The following ZRANB2 variants were observed in gnomAD, a reference collection of about 807,000 sequenced individuals.
ZRANB2 encodes zinc finger Ran-binding domain-containing protein 2.
ZRANB2 carries 19 observed loss-of-function variants against 53.4 expected under a neutral mutation model. The ratio of observed to expected loss-of-function variants is 0.36; its 90% CI spans 0.25 to 0.52. The LOEUF (loss-of-function observed/expected upper bound fraction) is 0.52. Ranked by LOEUF, ZRANB2 falls within the 20% of genes least tolerant of loss-of-function variation. The probability of loss-of-function intolerance (pLI) is 0.93; values close to 1 mark genes in which losing one functional copy is unlikely to be tolerated. For missense variants in ZRANB2, 309 were observed against 401.1 expected (o/e 0.77, Z 1.96); for synonymous variants, 145 against 134.8 (o/e 1.08, Z -0.52).
chr1:71,080,577 G>A (rs1453969264), intron 1 of ZRANB2, among the ~76,000 whole-genome samples: 2 of 145,772 alleles, frequency 1.4e-5, no homozygotes, highest in Non-Finnish European at 3.0e-5. Context: ...GCAGAGAAAA[G>A]TCACGTGGGG....
intron 8 of ZRANB2, among the ~76,000 whole-genome samples, chr1:71,068,065 A>G (rs756344668): frequency 6.6e-6 from 1 of 152,064 alleles, no homozygotes; most frequent in African/African-American, 2.4e-5. Flanking sequence ...AGGTCTCACT[A>G]TATTGCCCAG....
At chr1:71,076,739 T>C in intron 4 of ZRANB2, 56 bp downstream of exon 4, 1 of 1,289,972 alleles carries the variant, frequency 7.8e-7, no homozygotes, top group Non-Finnish European at 1.1e-6. Flanking sequence ...CAATTATCGT[T>C]TCAATATTTA....
At chr1:71,066,710 G>C in intron 9 of ZRANB2, 66 bp downstream of exon 9, 1 of 1,514,772 alleles carries the variant, frequency 6.6e-7, no homozygotes, top group South Asian at 1.3e-5. Context: ...CCTTGACTAG[G>C]AAAGTTTACT....
chr1:71,069,474 C>T, intron 7 of ZRANB2, 112 bp from the exon 8 acceptor site: 2 of 678,730 alleles, frequency 2.9e-6, no homozygotes, highest in Non-Finnish European at 5.0e-6. Flanking sequence ...AAAAAGATAA[C>T]TATACAAGAT....
At chr1:71,078,328 T>C (rs1270458247) in intron 3 of ZRANB2, 129 bp downstream of exon 3, 1 of 731,576 alleles carries the variant, frequency 1.4e-6, no homozygotes, top group African/African-American at 1.8e-5. Flanking sequence ...TGAGACTGAA[T>C]AACAATACCT....
intron 9 of ZRANB2, chr1:71,065,699 C>A: frequency 6.2e-7 from 1 of 1,611,928 alleles, no homozygotes; most frequent in South Asian, 1.1e-5. Context: ...AGTGGTGTTC[C>A]GTAGGGGTTG....
Position 71,081,023 on chromosome 1 carries a change from C to G in ZRANB2, c.-28G>C. On this transcript the variant is annotated 5_prime_UTR_variant, in exon 1 of 10. Transcript: ENST00000370920. Reference sequence around the variant, plus strand: ...TGAACGCCACCAGCACAGCCACCCGCAGCTATGTCTTCACAGGAGGAAAAC... The same window carrying G: ...TGAACGCCACCAGCACAGCCACCCGGAGCTATGTCTTCACAGGAGGAAAAC... 1 of 1,614,070 alleles carries G rather than the reference C, an allele frequency of 6.2e-7. No individual in the cohort carries two copies. The highest frequency in any genetic ancestry group is 8.5e-7 in the Non-Finnish European group (1 of 1,179,996).
chr1:71,069,979 T>C (rs184958452), intron 7 of ZRANB2, among the ~76,000 whole-genome samples: 42 of 152,280 alleles, frequency 2.8e-4, no homozygotes, highest in African/African-American at 8.9e-4. Flanking sequence ...TTGTCCCTTA[T>C]AATAATACCC....
chr1:71,065,207 A>G lies in ZRANB2; in HGVS notation c.930-70T>C. 7.2e-6 allele frequency: 9 copies of G among 1,255,836 alleles called. No individual in the cohort carries two copies. The South Asian group carries it at 1.1e-4, about 16-fold the overall frequency. 77.8% of individuals were successfully genotyped at this position (1,255,836 alleles called of 1,614,324 possible). ...CTAAATCTCAGCATTCATTCTTAAG[A>G]CTGTGAAAGTATACAAAATTCAGTA... On this transcript the variant is annotated intron_variant, in intron 9 of 9. Coordinates refer to ENST00000370920, the MANE Select transcript of ZRANB2 (RefSeq NM_203350.3).
At chr1:71,069,501 T>C (rs563273194) in intron 7 of ZRANB2, 139 bp from the exon 8 acceptor site, 83 of 488,024 alleles carry the variant, frequency 1.7e-4, no homozygotes, top group African/African-American at 1.3e-3. Flanking sequence ...TTTCAAAACA[T>C]AGTATTTTAA....
At chr1:71,066,035 CATA>C (rs1446754537) in intron 9 of ZRANB2, 3 of 234,150 alleles carry the variant, frequency 1.3e-5, no homozygotes, top group Non-Finnish European at 2.4e-5. Flanking sequence ...ATAGACTTTA[CATA>C]ATCTTTATTT....
chr1:71,078,595 C>G, intron 2 of ZRANB2, 30 bp from the exon 3 acceptor site: 1 of 1,611,310 alleles, frequency 6.2e-7, no homozygotes, highest in Non-Finnish European at 8.5e-7. Context: ...GCAATATGAA[C>G]CTGGAGAAAT....
chr1:71,067,517 A>G (rs1055646489), intron 8 of ZRANB2: 3 of 322,066 alleles, frequency 9.3e-6, no homozygotes, highest in Non-Finnish European at 1.9e-5. Flanking sequence ...ATGAAAACCC[A>G]CTACTTATGA....
intron 7 of ZRANB2, among the ~76,000 whole-genome samples, chr1:71,070,531 T>C (rs1661570713): frequency 6.6e-6 from 1 of 152,138 alleles, no homozygotes; most frequent in Non-Finnish European, 1.5e-5. Flanking sequence ...GCTATCTCTT[T>C]AGATTAATTA....
In ZRANB2 at chr1:71,063,539, T is replaced by G. The variant is rs534750441; in HGVS notation, c.*1535A>C. 6.6e-6 allele frequency: 1 copy of G among 152,408 alleles called. No homozygotes were observed. The highest frequency in any genetic ancestry group is 1.5e-5 in the Non-Finnish European group (1 of 67,900). The allele number at this position is 152,408 out of a possible 1,614,324, so 9.4% of individuals were successfully genotyped here. ...GCACAAGAATAAACCAATGGTAACA[T>G]GTAGAATCTAGATCGTCGGGGCAAT... On this transcript the variant is annotated 3_prime_UTR_variant, in exon 10 of 10. Transcript: ENST00000370920.
intron 1 of ZRANB2, among the ~76,000 whole-genome samples, chr1:71,080,337 C>A (rs190926263): frequency 1.3e-5 from 2 of 152,058 alleles, no homozygotes; most frequent in African/African-American, 4.8e-5. Context: ...AAAACACAGG[C>A]CTCTTCCCTC....
At chr1:71,080,028 TTAAA>T (rs1266108936) in intron 1 of ZRANB2, among the ~76,000 whole-genome samples, 4 of 152,206 alleles carry the variant, frequency 2.6e-5, no homozygotes, top group Non-Finnish European at 5.9e-5. Flanking sequence ...TTTTTAGCAG[TTAAA>T]TAAGTAATAG....
At chr1:71,068,780 T>A (rs1361827578) in intron 8 of ZRANB2, among the ~76,000 whole-genome samples, 1 of 151,998 alleles carries the variant, frequency 6.6e-6, no homozygotes, top group African/African-American at 2.4e-5. Context: ...TATGTAATTT[T>A]ATTTGAACTA....
At chr1:71,070,223 A>T (rs1476418642) in intron 7 of ZRANB2, among the ~76,000 whole-genome samples, 2 of 151,830 alleles carry the variant, frequency 1.3e-5, no homozygotes. Flanking sequence ...ACTCACCTAA[A>T]ATTTTATTTT....
Sources: allele counts gnomAD v4.1 joint callset (sites outside exome capture counted in the v4.1 genomes callset), GRCh38; gene constraint gnomAD v4.1.1; transcripts MANE v1.5; gene names NCBI Gene and HGNC (gene_info 2026-07-23, HGNC 2026-07-21).